MYO3B: variants seen among roughly 807,000 people sequenced by gnomAD.
The protein encoded by MYO3B is myosin-IIIb.
In MYO3B, 156 loss-of-function variants were observed where a neutral mutation model predicts 174.6. That is an observed-to-expected ratio of 0.89 (90% CI 0.78 to 1.02). The LOEUF is 1.02. Among genes scored for constraint, MYO3B ranks in the 50% least tolerant of loss-of-function variants. The pLI is 0.00. For synonymous variants in MYO3B, 563 were observed against 569.1 expected (o/e 0.99, Z 0.15); for missense variants, 1,632 against 1,639.4 (o/e 1.00, Z 0.08).
At chr2:170,389,555 TGATGCTAGG>T (rs1354461666) in intron 14 of MYO3B, among the ~76,000 whole-genome samples, 1 of 152,076 alleles carries the variant, frequency 6.6e-6, no homozygotes, top group African/African-American at 2.4e-5. Context: ...GAAACTGAAG[TGATGCTAGG>T]GATGGATGTC....
At chr2:170,227,889 C>A (rs1291736452) in intron 6 of MYO3B, among the ~76,000 whole-genome samples, 1 of 152,138 alleles carries the variant, frequency 6.6e-6, no homozygotes, top group Non-Finnish European at 1.5e-5. Flanking sequence ...GCGCATATAT[C>A]TCTTAACTTT....
At chr2:170,270,265 A>T (rs2093416298) in intron 7 of MYO3B, among the ~76,000 whole-genome samples, 1 of 152,226 alleles carries the variant, frequency 6.6e-6, no homozygotes, top group Non-Finnish European at 1.5e-5. Context: ...ACTAACAGGA[A>T]GAGTGCAAAC....
At chr2:170,498,805 A>T (rs1575076937) in intron 26 of MYO3B, 102 bp downstream of exon 26, 1 of 738,052 alleles carries the variant, frequency 1.4e-6, no homozygotes, top group East Asian at 2.7e-5. Flanking sequence ...TAGCTTAGCA[A>T]ACAAGACTCC....
chr2:170,233,064 C>T (rs1264027351), intron 6 of MYO3B, among the ~76,000 whole-genome samples: 2 of 152,204 alleles, frequency 1.3e-5, no homozygotes, highest in South Asian at 2.1e-4. Flanking sequence ...CTTAGAATTG[C>T]CTTTTGTGTC....
At chr2:170,631,782 C>CA (rs1697008448) in intron 32 of MYO3B, among the ~76,000 whole-genome samples, 1 of 151,696 alleles carries the variant, frequency 6.6e-6, no homozygotes, top group Non-Finnish European at 1.5e-5. Flanking sequence ...CACACAGGCT[C>CA]AAAATAAAGG....
At position 170,234,996 on chromosome 2, in the gene MYO3B, C is replaced by T. The variant is rs562936941; in HGVS notation, c.604-995C>T. On this transcript the variant is annotated intron_variant, in intron 6 of 34. Transcript: ENST00000408978. ...AAGCTAGATCTGTCACTCCTCTGCTCACCACAGTCAGTAGTCTCATTTCAT... is the reference window on the plus strand; with the variant it reads ...AAGCTAGATCTGTCACTCCTCTGCTTACCACAGTCAGTAGTCTCATTTCAT... 3.3e-5 allele frequency among the ~76,000 whole-genome samples: 5 copies of T among 152,286 alleles called. No homozygotes were observed. In the South Asian group the frequency reaches 1.0e-3, roughly 32 times the overall value.
chr2:170,593,241 G>C lies in MYO3B; in HGVS notation c.3733+49253G>C, dbSNP rs1199556048. ...GCATCCCAAGTGACTGGGACTACCT[G>C]AGCTTGCCACCACACTTGGCTAATT... is the stretch of plus-strand genomic sequence containing the variant. On this transcript the variant is annotated intron_variant, in intron 32 of 34. Transcript: ENST00000408978. Among the ~76,000 whole-genome samples the C allele has an allele frequency of 2.6e-5, 4 of 152,178 alleles. No individual in the cohort carries two copies. In the South Asian group the frequency reaches 8.3e-4, roughly 32 times the overall value.
intron 7 of MYO3B, chr2:170,334,223 A>G (rs1241692208): frequency 1.3e-5 from 2 of 152,232 alleles, no homozygotes; most frequent in Admixed American, 6.5e-5. Context: ...TTCTATTTAT[A>G]TATCATTGAC....
intron 8 of MYO3B, among the ~76,000 whole-genome samples, chr2:170,355,823 T>A (rs1212351145): frequency 6.6e-6 from 1 of 152,156 alleles, no homozygotes; most frequent in Non-Finnish European, 1.5e-5. Flanking sequence ...CTATAAAAAT[T>A]CACCAAGTTG....
intron 7 of MYO3B, among the ~76,000 whole-genome samples, chr2:170,293,084 G>A (rs10930417): frequency 0.68 from 102,956 of 151,918 alleles, 35,034 homozygotes; most frequent in Admixed American, 0.73. Context: ...TTTCACTGTT[G>A]ACTTGGAGTT....
Position 170,387,176 on chromosome 2 carries a change from G to T in MYO3B, c.1445G>T (p.Cys482Phe). 1 of 1,614,140 alleles carries T rather than the reference G, an allele frequency of 6.2e-7. No homozygotes were observed. Among genetic ancestry groups the T allele is most frequent in the Middle Eastern group, 1.6e-4 (1 of 6,062 alleles). ...CTGGTGGAAGCCTTTGGGAACTCATGCACTGCCATCAATGACAACTCGAGC... is the reference window on the plus strand; with the variant it reads ...CTGGTGGAAGCCTTTGGGAACTCATTCACTGCCATCAATGACAACTCGAGC... The part of the protein sequence containing the change: ...NSLVEAFGNS[C>F]TAINDNSSRF... The change falls in exon 14 of 35, where the codon TGC becomes TTC. Residue 482 changes from cysteine to phenylalanine, a missense_variant. Coordinates refer to ENST00000408978, the MANE Select transcript of MYO3B (RefSeq NM_138995.5).
intron 32 of MYO3B, among the ~76,000 whole-genome samples, chr2:170,566,214 A>G (rs746257980): frequency 6.6e-6 from 1 of 152,246 alleles, no homozygotes; most frequent in Non-Finnish European, 1.5e-5. Flanking sequence ...GTAAGAAAGC[A>G]TCTAAAATAG....
At chr2:170,258,973 A>C (rs1021620966) in intron 7 of MYO3B, among the ~76,000 whole-genome samples, 3 of 152,070 alleles carry the variant, frequency 2.0e-5, no homozygotes, top group African/African-American at 4.8e-5. Flanking sequence ...TACAATACAC[A>C]CACACAACCT....
chr2:170,555,874 A>AAATAATAATAAT (rs60315800), intron 32 of MYO3B, among the ~76,000 whole-genome samples: 1 of 149,712 alleles, frequency 6.7e-6, no homozygotes, highest in Non-Finnish European at 1.5e-5. Flanking sequence ...CCTATCTCTA[A>AAATAATAATAAT]AATAATAATA....
In MYO3B at chr2:170,428,492, G is replaced by A. The variant is rs573494350; in HGVS notation, c.2651-15475G>A. ...TACTTAACTTTTTTTACTCCAACTT[G>A]CATCTAGTTATTGCACTTACGTGTT... On this transcript the variant is annotated intron_variant, in intron 22 of 34. Coordinates refer to ENST00000408978, the MANE Select transcript of MYO3B (RefSeq NM_138995.5). Among the ~76,000 whole-genome samples, 66 of 152,260 alleles carry A rather than the reference G, an allele frequency of 4.3e-4. No individual in the cohort carries two copies. The South Asian group carries it at 0.013, about 30-fold the overall frequency.
At chr2:170,525,199 C>T (rs1688925145) in intron 30 of MYO3B, among the ~76,000 whole-genome samples, 1 of 152,136 alleles carries the variant, frequency 6.6e-6, no homozygotes, top group African/African-American at 2.4e-5. Flanking sequence ...CATGATGGGA[C>T]AGAGTTAACT....
chr2:170,490,952 CT>C (rs758614497), intron 25 of MYO3B, among the ~76,000 whole-genome samples: 6 of 151,904 alleles, frequency 3.9e-5, no homozygotes, highest in Non-Finnish European at 1.5e-5. Flanking sequence ...CTTTTCCTTT[CT>C]TTTTTTCTGA....
chr2:170,616,284 C>T (rs1320419382), intron 32 of MYO3B, among the ~76,000 whole-genome samples: 2 of 152,158 alleles, frequency 1.3e-5, no homozygotes, highest in Non-Finnish European at 2.9e-5. Flanking sequence ...CCCATGCATC[C>T]GTTTATAGGC....
chr2:170,546,855 C>T (rs1016767568), intron 32 of MYO3B, among the ~76,000 whole-genome samples: 5 of 152,106 alleles, frequency 3.3e-5, no homozygotes, highest in Non-Finnish European at 5.9e-5. Flanking sequence ...GAAGGTTTGC[C>T]TTCTAACTTG....
Sources: allele counts gnomAD v4.1 joint callset (sites outside exome capture counted in the v4.1 genomes callset), GRCh38; gene constraint gnomAD v4.1.1; transcripts MANE v1.5; gene names NCBI Gene and HGNC (gene_info 2026-07-23, HGNC 2026-07-21).